PRKN: variants seen among roughly 807,000 people sequenced by gnomAD.
PRKN encodes the protein parkin RBR E3 ubiquitin protein ligase.
PRKN carries 56 observed loss-of-function variants against 59.5 expected under a neutral mutation model. The observed-to-expected ratio is 0.94, with a 90% confidence interval of 0.76 to 1.18. The LOEUF (loss-of-function observed/expected upper bound fraction) is 1.18. PRKN is among the 50% of genes most tolerant of loss of function. The probability of loss-of-function intolerance (pLI) is 0.00; values close to 1 mark genes in which losing one functional copy is unlikely to be tolerated. For missense variants in PRKN, 657 were observed against 596.4 expected, an observed-to-expected ratio of 1.10 and a Z score of -1.06; for synonymous variants, 250 against 222.1, an observed-to-expected ratio of 1.13 and a Z score of -1.12.
At chr6:162,188,973 G>A (rs1446959965) in intron 4 of PRKN, among the ~76,000 whole-genome samples, 1 of 151,890 alleles carries the variant, frequency 6.6e-6, no homozygotes, top group Non-Finnish European at 1.5e-5. Context: ...CTATAGGAGG[G>A]AATTGAGATT....
At chr6:162,503,391 C>G (rs564895651) in intron 1 of PRKN, among the ~76,000 whole-genome samples, 1 of 151,886 alleles carries the variant, frequency 6.6e-6, no homozygotes, top group African/African-American at 2.4e-5. Context: ...CATCAACCCC[C>G]GACCTCAGGA....
intron 2 of PRKN, among the ~76,000 whole-genome samples, chr6:162,414,547 A>AC: frequency 6.6e-6 from 1 of 151,024 alleles, no homozygotes; most frequent in Admixed American, 6.6e-5. Flanking sequence ...TCTCTACTAA[A>AC]ATACAAAAAA....
chr6:161,929,519 T>TTTTA (rs1779092413), intron 6 of PRKN, among the ~76,000 whole-genome samples: 1 of 133,414 alleles, frequency 7.5e-6, no homozygotes. Context: ...TTTCACCTCT[T>TTTTA]TTTTTTTTTT....
chr6:161,966,666 A>G (rs960508013), intron 6 of PRKN, among the ~76,000 whole-genome samples: 7 of 152,178 alleles, frequency 4.6e-5, no homozygotes, highest in Non-Finnish European at 1.0e-4. Context: ...CAAACTATCA[A>G]CTGACAACCC....
chr6:161,757,757 G>C (rs1045232542), intron 7 of PRKN, among the ~76,000 whole-genome samples: 2 of 151,124 alleles, frequency 1.3e-5, no homozygotes, highest in South Asian at 4.2e-4. Context: ...AGAATCGCTT[G>C]AACCCGGGAT....
At chr6:161,977,528 TTTC>T (rs1248829019) in intron 5 of PRKN, among the ~76,000 whole-genome samples, 2 of 127,430 alleles carry the variant, frequency 1.6e-5, no homozygotes, top group African/African-American at 5.7e-5. Flanking sequence ...TCTTCTCTAC[TTTC>T]TGTTTTTTTG....
intron 2 of PRKN, among the ~76,000 whole-genome samples, chr6:162,295,091 T>C (rs1207171012): frequency 2.0e-5 from 3 of 152,204 alleles, no homozygotes; most frequent in Non-Finnish European, 4.4e-5. Context: ...GCAAGTTGTA[T>C]TTCAGAATCT....
intron 7 of PRKN, among the ~76,000 whole-genome samples, chr6:161,737,527 G>C (rs1005037635): frequency 1.3e-5 from 2 of 152,166 alleles, no homozygotes; most frequent in Non-Finnish European, 2.9e-5. Context: ...TCACATTTTT[G>C]AGCTTCACAT....
intron 6 of PRKN, among the ~76,000 whole-genome samples, chr6:161,901,518 A>AT (rs1777915761): frequency 6.6e-6 from 1 of 152,084 alleles, no homozygotes; most frequent in Non-Finnish European, 1.5e-5. Flanking sequence ...CACACCTCAG[A>AT]TTTTCTGAAA....
At chr6:162,279,997 CCTTT>C (rs149697946) in intron 2 of PRKN, among the ~76,000 whole-genome samples, 283 of 152,198 alleles carry the variant, frequency 1.9e-3, no homozygotes, top group African/African-American at 5.3e-3. Context: ...CGCAAACTCT[CCTTT>C]TTTTTTGCAT....
intron 4 of PRKN, among the ~76,000 whole-genome samples, chr6:162,115,271 T>C (rs1472267384): frequency 2.0e-5 from 3 of 149,182 alleles, no homozygotes; most frequent in Admixed American, 6.8e-5. Flanking sequence ...CGCATATTCT[T>C]ACTCATAGGT....
intron 1 of PRKN, among the ~76,000 whole-genome samples, chr6:162,682,462 T>C (rs1584040717): frequency 6.6e-6 from 1 of 152,188 alleles, no homozygotes; most frequent in East Asian, 1.9e-4. Context: ...GCAACATGCA[T>C]GCAGCTGGAG....
At chr6:162,593,556 G>A (rs886889070) in intron 1 of PRKN, among the ~76,000 whole-genome samples, 1 of 152,128 alleles carries the variant, frequency 6.6e-6, no homozygotes, top group Non-Finnish European at 1.5e-5. Context: ...ACTGGGTTCA[G>A]CAAACAAAGG....
intron 7 of PRKN, among the ~76,000 whole-genome samples, chr6:161,770,448 G>C (rs1446875990): frequency 7.1e-6 from 1 of 140,090 alleles, no homozygotes; most frequent in Non-Finnish European, 1.6e-5. Context: ...TTTGGCAATA[G>C]AGCCTTTATT....
chr6:161,524,538 C>T (rs1037074753), intron 9 of PRKN, among the ~76,000 whole-genome samples: 3 of 151,962 alleles, frequency 2.0e-5, no homozygotes, highest in Non-Finnish European at 4.4e-5. Flanking sequence ...TTGGTAGAAA[C>T]GGGGCCTCAC....
chr6:162,668,677 C>T (rs1779201190), intron 1 of PRKN, among the ~76,000 whole-genome samples: 1 of 152,146 alleles, frequency 6.6e-6, no homozygotes. Context: ...CAAGCGTTGA[C>T]ACAAAAGGAT....
intron 2 of PRKN, among the ~76,000 whole-genome samples, chr6:162,399,877 G>A (rs547700103): frequency 1.3e-5 from 2 of 152,218 alleles, no homozygotes; most frequent in East Asian, 3.9e-4. Flanking sequence ...AAAGAACAAT[G>A]AGCTAAACGG....
intron 1 of PRKN, among the ~76,000 whole-genome samples, chr6:162,498,829 T>C (rs760673773): frequency 3.9e-5 from 3 of 77,294 alleles, no homozygotes; most frequent in Non-Finnish European, 2.9e-5. Context: ...TTTATGAGAA[T>C]TGGACAGTAG....
At chr6:162,486,652 A>T (rs879342086) in intron 1 of PRKN, among the ~76,000 whole-genome samples, 3 of 152,232 alleles carry the variant, frequency 2.0e-5, no homozygotes, top group Admixed American at 1.3e-4. Flanking sequence ...TTTACTTGAC[A>T]TTCTACCAAC....
Sources: allele counts gnomAD v4.1 joint callset (sites outside exome capture counted in the v4.1 genomes callset), GRCh38; gene constraint gnomAD v4.1.1; transcripts MANE v1.5; gene names NCBI Gene and HGNC (gene_info 2026-07-23, HGNC 2026-07-21).